Variants in VLDLR observed in about 807,000 individuals in gnomAD.
VLDLR encodes the protein very low density lipoprotein receptor, also known as very low-density lipoprotein receptor.
A neutral mutation model predicts 112.7 loss-of-function variants in VLDLR; 81 were observed. That is an observed-to-expected ratio of 0.72 (90% confidence interval 0.60 to 0.86). VLDLR has a LOEUF of 0.86. VLDLR is among the 40% of genes least tolerant of loss of function. VLDLR has a pLI of 0.00. For synonymous variants in VLDLR, 436 were observed against 384.8 expected (o/e 1.13, Z -1.56); for missense variants, 1,237 against 1,099.4 (o/e 1.13, Z -1.77).
intron 16 of VLDLR, 24 bp from the exon 17 acceptor site, chr9:2,651,850 C>CTGAT (rs1818364732): frequency 6.2e-7 from 1 of 1,613,454 alleles, no homozygotes; most frequent in African/African-American, 1.3e-5. Flanking sequence ...TCCTTCTAAA[C>CTGAT]TGATTCCTTT....
At chr9:2,639,593 TA>T (rs1173586425) in intron 2 of VLDLR, among the ~76,000 whole-genome samples, 1 of 152,204 alleles carries the variant, frequency 6.6e-6, no homozygotes, top group Non-Finnish European at 1.5e-5. Context: ...AAGTTAAATG[TA>T]AGGTATCTCC....
chr9:2,637,243 C>T (rs1012785405), intron 2 of VLDLR, among the ~76,000 whole-genome samples: 2 of 152,164 alleles, frequency 1.3e-5, no homozygotes, highest in Admixed American at 6.5e-5. Context: ...AAGCTGCCTC[C>T]TATTTTTAGT....
chr9:2,623,852 G>A (rs1323064315), intron 1 of VLDLR, among the ~76,000 whole-genome samples: 2 of 152,164 alleles, frequency 1.3e-5, no homozygotes, highest in African/African-American at 4.8e-5. Flanking sequence ...TGAGAGCCTA[G>A]AAAAGCTCTG....
In VLDLR at chr9:2,659,576, T is replaced by G. The variant is rs1438838692; in HGVS notation, c.*5708T>G. The G allele has an allele frequency of 1.3e-5, 2 of 152,240 alleles. No individual in the cohort carries two copies. The highest frequency in any genetic ancestry group is 1.5e-5 in the Non-Finnish European group (1 of 68,040). The allele number at this position is 152,240 out of a possible 1,614,324, so 9.4% of individuals were successfully genotyped here. ...CTAAAGGAATTTATAAGCAGGCAAC[T>G]TCATTCCTATGTATAAGATATTGGG... On this transcript the variant is annotated 3_prime_UTR_variant, in exon 19 of 19. Coordinates refer to ENST00000382100, the MANE Select transcript of VLDLR (RefSeq NM_003383.5).
chr9:2,653,864 CTTG>C lies in VLDLR; in HGVS notation c.2619_2621del (p.Ter874delextTer2). ...GTTGTAAGCACAGATGATGATCTAG[CTTG>C]ACTTCTGTGACAAATGTTGACCTTT... On this transcript the variant is annotated stop_lost and inframe_deletion, in exon 19 of 19. Transcript: ENST00000382100. The C allele has an allele frequency of 6.2e-7, 1 of 1,613,890 alleles. No individual in the cohort carries two copies. The highest frequency in any genetic ancestry group is 1.1e-5 in the South Asian group (1 of 91,066).
Position 2,654,159 on chromosome 9 carries a change from T to G in VLDLR, c.*291T>G, listed in dbSNP as rs1818493692. 2.3e-6 allele frequency: 1 copy of G among 437,676 alleles called. No homozygotes were observed. The highest frequency in any genetic ancestry group is 2.0e-5 in the African/African-American group (1 of 49,892). 27.1% of individuals were successfully genotyped at this position (437,676 alleles called of 1,614,324 possible). A position where few individuals can be genotyped will look rare whatever the true frequency, so the allele number is the denominator to read the frequency against. ...TATGCACTTTCCCTAGAAAGCCATA[T>G]TCCAGCAGTGAAACTTGTGCTATAG... On this transcript the variant is annotated 3_prime_UTR_variant, in exon 19 of 19. Coordinates refer to ENST00000382100, the MANE Select transcript of VLDLR (RefSeq NM_003383.5).
chr9:2,643,904 A>G lies in VLDLR; in HGVS notation c.1011A>G (p.Val337=), dbSNP rs751924500. 8.7e-6 allele frequency: 14 copies of G among 1,614,030 alleles called. No individual in the cohort carries two copies. The highest frequency in any genetic ancestry group is 1.6e-4 in the Middle Eastern group (1 of 6,084). The stretch of plus-strand genomic sequence containing the variant: ...GAGAATGCATAGATATCAGCAAAGT[A>G]TGTAACCAGGAGCAGGACTGCAGGG... ...RSGECIDISK[V]CNQEQDCRDW... Residue 337 remains valine (V), a synonymous_variant, in exon 7 of 19, where the codon GTA becomes GTG. Coordinates refer to ENST00000382100, the MANE Select transcript of VLDLR (RefSeq NM_003383.5).
chr9:2,645,193 C>T (rs1818014321), intron 9 of VLDLR, 111 bp downstream of exon 9: 2 of 1,525,026 alleles, frequency 1.3e-6, no homozygotes, highest in Admixed American at 1.7e-5. Context: ...TACTTGAGAA[C>T]AATGCTGCTA....
intron 3 of VLDLR, among the ~76,000 whole-genome samples, 182 bp downstream of exon 3, chr9:2,640,163 C>T (rs1400189392): frequency 6.6e-6 from 1 of 152,186 alleles, no homozygotes; most frequent in Admixed American, 6.5e-5. Flanking sequence ...AGAATGTTCT[C>T]CCTGGTCCAA....
At chr9:2,622,906 G>A (rs1178647017) in intron 1 of VLDLR, among the ~76,000 whole-genome samples, 5 of 152,112 alleles carry the variant, frequency 3.3e-5, no homozygotes, top group Admixed American at 6.5e-5. Flanking sequence ...TAGGGGAGCG[G>A]CGGGGCTTTA....
At chr9:2,634,221 C>G (rs1210356888) in intron 1 of VLDLR, among the ~76,000 whole-genome samples, 4 of 152,162 alleles carry the variant, frequency 2.6e-5, no homozygotes, top group African/African-American at 9.7e-5. Context: ...CAGGGAGTAG[C>G]TGACACTAGG....
rs1289161211 is a variant in VLDLR at position 2,646,383 on chromosome 9, G to A, written c.1534G>A (p.Val512Ile). 1.9e-6 allele frequency: 3 copies of A among 1,614,166 alleles called. No homozygotes were observed. Among genetic ancestry groups the A allele is most frequent in the Admixed American group, 3.3e-5 (2 of 60,018 alleles). The change falls in exon 11 of 19, where the codon GTC (valine) becomes ATC (isoleucine). Residue 512 changes from valine to isoleucine, a missense_variant. Physicochemically the swap from Val to Ile is conservative, Grantham distance 29 (BLOSUM62 3). Coordinates refer to ENST00000382100, the MANE Select transcript of VLDLR (RefSeq NM_003383.5). ...TAGACATGTTAAAATGATCGACAAT[G>A]TCTATAATCCTGCAGCCATTGCTGT... ...VGRHVKMIDNVYNPAAIAVDW... is the reference protein window; with the variant it reads ...VGRHVKMIDNIYNPAAIAVDW...
chr9:2,623,042 A>T (rs1816906782), intron 1 of VLDLR, among the ~76,000 whole-genome samples: 1 of 152,162 alleles, frequency 6.6e-6, no homozygotes. Flanking sequence ...TAATCAGGTT[A>T]GTTTGCTGAC....
intron 9 of VLDLR, 45 bp from the exon 10 acceptor site, chr9:2,645,529 G>T: frequency 6.2e-7 from 1 of 1,612,600 alleles, no homozygotes; most frequent in Non-Finnish European, 8.5e-7. Context: ...GAAAGACCTT[G>T]CCTTCTTAAA....
rs780714679 is a variant in VLDLR, at chr9:2,637,347, A to G, written c.202+1775A>G. Among the ~76,000 whole-genome samples, 12 of 152,144 alleles carry G rather than the reference A, an allele frequency of 7.9e-5. 1 individual carries two copies. The highest frequency in any genetic ancestry group is 7.2e-4 in the Admixed American group (11 of 15,278). On this transcript the variant is annotated intron_variant, in intron 2 of 18. Transcript: ENST00000382100. ...CATAGTCAACTTAACCTTAGATTCT[A>G]TTAGCCATGTGCTTCTGTTGGTCCC...
At chr9:2,638,854 A>G (rs763616515) in intron 2 of VLDLR, among the ~76,000 whole-genome samples, 16 of 152,216 alleles carry the variant, frequency 1.1e-4, no homozygotes, top group Non-Finnish European at 1.9e-4. Context: ...GACAGCTTCA[A>G]TGACTTTTAG....
At chr9:2,637,817 C>T (rs915668636) in intron 2 of VLDLR, among the ~76,000 whole-genome samples, 7 of 152,114 alleles carry the variant, frequency 4.6e-5, no homozygotes, top group Admixed American at 2.0e-4. Flanking sequence ...GTGGCAGGTG[C>T]CTGTAGTCCC....
At chr9:2,638,865 C>T (rs753554450) in intron 2 of VLDLR, among the ~76,000 whole-genome samples, 5 of 152,202 alleles carry the variant, frequency 3.3e-5, no homozygotes, top group Admixed American at 2.0e-4. Flanking sequence ...TGACTTTTAG[C>T]TGGTTGATGT....
rs1177471324 is a variant in VLDLR at position 2,643,964 on chromosome 9, GTGTACTTGTTGTTCAAGTAC to G, written c.1066+6_1066+25del. 3 of 1,613,876 alleles carry G rather than the reference GTGTACTTGTTGTTCAAGTAC, an allele frequency of 1.9e-6. No homozygotes were observed. The highest frequency in any genetic ancestry group is 2.5e-6 in the Non-Finnish European group (3 of 1,180,014). Reference sequence around the variant, plus strand: ...ATGAGCCCCTGAAAGAGTGTCGTAAGTGTACTTGTTGTTCAAGTACAGATCCTGGAAGTTTGACACAATCC... The same window carrying G: ...ATGAGCCCCTGAAAGAGTGTCGTAAGAGATCCTGGAAGTTTGACACAATCC... On this transcript the variant is annotated splice_donor_region_variant and intron_variant, in intron 7 of 18. Transcript: ENST00000382100.
Sources: gnomAD v4.1 joint callset for allele counts (sites outside exome capture counted in the v4.1 genomes callset) on GRCh38, gnomAD v4.1.1 for gene constraint, MANE v1.5 for transcripts, NCBI Gene and HGNC (gene_info 2026-07-23, HGNC 2026-07-21) for gene names.